KLHL2: variants seen among roughly 807,000 people sequenced by gnomAD.
KLHL2 encodes kelch-like protein 2.
KLHL2 carries 15 observed loss-of-function variants against 75.8 expected under a neutral mutation model. The observed-to-expected ratio is 0.20, with a 90% CI of 0.13 to 0.30. The LOEUF (loss-of-function observed/expected upper bound fraction) is 0.30. KLHL2 is among the 10% of genes least tolerant of loss of function. The probability of loss-of-function intolerance (pLI) is 1.00; values close to 1 mark genes in which losing one functional copy is unlikely to be tolerated. For missense variants in KLHL2, 381 were observed against 741.0 expected (o/e 0.51, Z 5.64); for synonymous variants, 214 against 251.9 (o/e 0.85, Z 1.42).
intron 5 of KLHL2, among the ~76,000 whole-genome samples, chr4:165,290,942 A>G (rs559855104): frequency 1.3e-5 from 2 of 152,238 alleles, no homozygotes; most frequent in Non-Finnish European, 2.9e-5. Flanking sequence ...CTGATTTCCT[A>G]CCAGCAGTGA....
chr4:165,267,783 T>A (rs569076871), intron 5 of KLHL2, among the ~76,000 whole-genome samples: 4 of 152,324 alleles, frequency 2.6e-5, no homozygotes, highest in South Asian at 4.1e-4. Flanking sequence ...CTTTTTTTGT[T>A]GTTTCTCTGC....
Position 165,238,798 on chromosome 4 carries a change from G to A in KLHL2, c.280G>A (p.Ala94Thr). The A allele has an allele frequency of 6.2e-7, 1 of 1,614,056 alleles. No homozygotes were observed. Among genetic ancestry groups the A allele is most frequent in the Non-Finnish European group, 8.5e-7 (1 of 1,180,004 alleles). ...TTTAGGTGAGATGAGTGAGAGCCGAGCAAAGAGAGTTAGAATAAAAGAGGT... is the reference window on the plus strand; with the variant it reads ...TTTAGGTGAGATGAGTGAGAGCCGAACAAAGAGAGTTAGAATAAAAGAGGT... The part of the protein sequence containing the change: ...MFTGEMSESR[A>T]KRVRIKEVDG... The change falls in exon 4 of 15, where the codon GCA (alanine) becomes ACA (threonine). Residue 94 changes from alanine (A) to threonine (T), a missense_variant. By Grantham distance (58) the Ala-to-Thr change is moderately conservative. This residue lies in a region of KLHL2 where 51 missense variants were observed against 101.3 expected (regional missense o/e 0.50). Coordinates refer to ENST00000226725, the MANE Select transcript of KLHL2 (RefSeq NM_007246.4).
chr4:165,277,821 T>C, intron 5 of KLHL2: 1 of 663,694 alleles, frequency 1.5e-6, no homozygotes, highest in East Asian at 2.5e-5. Flanking sequence ...TGCTGCATTT[T>C]CTTTATTTTA....
intron 7 of KLHL2, among the ~76,000 whole-genome samples, chr4:165,298,964 G>C (rs1296717746): frequency 1.1e-5 from 1 of 93,866 alleles, no homozygotes; most frequent in Non-Finnish European, 1.9e-5. Context: ...CCAGAAAAAA[G>C]AAAACGAACC....
chr4:165,272,412 A>G (rs986716261), intron 5 of KLHL2, among the ~76,000 whole-genome samples: 13 of 152,212 alleles, frequency 8.5e-5, no homozygotes, highest in African/African-American at 2.9e-4. Context: ...TTCAGATTCC[A>G]TTAACTGCTA....
chr4:165,243,088 T>G (rs1323699690), intron 4 of KLHL2, among the ~76,000 whole-genome samples: 1 of 150,874 alleles, frequency 6.6e-6, no homozygotes, highest in Non-Finnish European at 1.5e-5. Flanking sequence ...TTCAAAAATG[T>G]AAATGTCTTT....
At chr4:165,208,687 C>T (rs1737006833) in intron 1 of KLHL2, 1 of 151,884 alleles carries the variant, frequency 6.6e-6, no homozygotes, top group African/African-American at 2.4e-5. Context: ...TTAAAAACAT[C>T]TTGGTAAAAG....
intron 8 of KLHL2, among the ~76,000 whole-genome samples, chr4:165,301,901 G>A (rs1024476306): frequency 1.3e-5 from 2 of 151,666 alleles, no homozygotes; most frequent in South Asian, 2.1e-4. Flanking sequence ...GAATAAACAT[G>A]TCATTTTTGA....
At chr4:165,279,215 G>T in intron 5 of KLHL2, 1 of 1,530,614 alleles carries the variant, frequency 6.5e-7, no homozygotes, top group Non-Finnish European at 9.1e-7. Flanking sequence ...AGTGCTAAGT[G>T]GAAGGCCTGT....
intron 4 of KLHL2, among the ~76,000 whole-genome samples, chr4:165,260,041 C>A (rs1267150789): frequency 6.6e-6 from 1 of 151,984 alleles, no homozygotes; most frequent in Non-Finnish European, 1.5e-5. Flanking sequence ...GTTTGGCACC[C>A]AAAATAAGCT....
At chr4:165,229,007 T>C (rs1311894642) in intron 3 of KLHL2, 94 bp downstream of exon 3, 2 of 673,940 alleles carry the variant, frequency 3.0e-6, no homozygotes, top group African/African-American at 3.6e-5. Flanking sequence ...ATTTTACTTT[T>C]ATGAAATGAA....
chr4:165,287,125 A>G (rs1744154406), intron 5 of KLHL2, among the ~76,000 whole-genome samples: 1 of 152,194 alleles, frequency 6.6e-6, no homozygotes, highest in Non-Finnish European at 1.5e-5. Context: ...TGCAAAACTG[A>G]AACTCTGTAC....
At chr4:165,212,801 C>T (rs1737282663) in intron 1 of KLHL2, among the ~76,000 whole-genome samples, 1 of 152,178 alleles carries the variant, frequency 6.6e-6, no homozygotes. Context: ...CATGACTTCT[C>T]TTCTATCACT....
At chr4:165,321,257 C>T in intron 14 of KLHL2, 1 of 455,956 alleles carries the variant, frequency 2.2e-6, no homozygotes, top group Non-Finnish European at 4.4e-6. Context: ...CCTCTTCTGC[C>T]TCTGCCACCC....
At chr4:165,296,595 G>T (rs1197420311) in intron 6 of KLHL2, among the ~76,000 whole-genome samples, 1 of 152,168 alleles carries the variant, frequency 6.6e-6, no homozygotes, top group Non-Finnish European at 1.5e-5. Context: ...CTATCTGGTG[G>T]TGGTGGGCAG....
At chr4:165,257,264 G>T (rs983879262) in intron 4 of KLHL2, among the ~76,000 whole-genome samples, 6 of 152,222 alleles carry the variant, frequency 3.9e-5, no homozygotes, top group African/African-American at 1.2e-4. Flanking sequence ...CCGGTTCATA[G>T]GTGCAGTACA....
intron 7 of KLHL2, 55 bp downstream of exon 7, chr4:165,297,780 C>G (rs1745027754): frequency 9.8e-7 from 1 of 1,016,026 alleles, no homozygotes; most frequent in Non-Finnish European, 1.6e-6. Flanking sequence ...ACTGGCCTGA[C>G]AGCATGTAGA....
intron 5 of KLHL2, among the ~76,000 whole-genome samples, chr4:165,264,740 GTA>G (rs1216985793): frequency 4.1e-4 from 31 of 75,746 alleles, no homozygotes; most frequent in Admixed American, 1.7e-3. Context: ...ATATATATAT[GTA>G]TATATATATA....
chr4:165,284,782 G>A lies in KLHL2; in HGVS notation c.545-9577G>A, dbSNP rs192758358. On this transcript the variant is annotated intron_variant, in intron 5 of 14. Transcript: ENST00000226725. The stretch of plus-strand genomic sequence containing the variant: ...GCTGATAAAGACATATCTGAGACTC[G>A]GCAATTTACAAAAGAAAGGTTTATT... Among the ~76,000 whole-genome samples, 240 of 152,186 alleles carry A rather than the reference G, an allele frequency of 1.6e-3. 1 individual carries two copies. Among genetic ancestry groups the A allele is most frequent in the African/African-American group, 5.6e-3 (232 of 41,526 alleles).
Sources: allele counts gnomAD v4.1 joint callset (sites outside exome capture counted in the v4.1 genomes callset), GRCh38; gene constraint gnomAD v4.1.1; regional missense constraint gnomAD v4.1.1; transcripts MANE v1.5; gene names NCBI Gene and HGNC (gene_info 2026-07-23, HGNC 2026-07-21).